Variants in CDKAL1 observed in about 807,000 individuals in gnomAD.
CDKAL1 encodes the protein threonylcarbamoyladenosine tRNA methylthiotransferase.
In CDKAL1, 32 loss-of-function variants were observed where a neutral mutation model predicts 68.2. That is an observed-to-expected ratio of 0.47 (90% confidence interval 0.35 to 0.63). CDKAL1 has a LOEUF of 0.63. CDKAL1 is among the 30% of genes least tolerant of loss of function. The pLI is 0.00. For missense variants in CDKAL1, 606 were observed against 696.7 expected (o/e 0.87, Z 1.47); for synonymous variants, 234 against 244.3 (o/e 0.96, Z 0.39).
intron 4 of CDKAL1, among the ~76,000 whole-genome samples, chr6:20,645,729 C>CAAATAAAT (rs200494660): frequency 6.7e-6 from 1 of 148,766 alleles, no homozygotes; most frequent in Non-Finnish European, 1.5e-5. Context: ...GACTCTGTCT[C>CAAATAAAT]AAATAAATAA....
chr6:20,551,015 G>A (rs565048526), intron 4 of CDKAL1, among the ~76,000 whole-genome samples: 16 of 150,904 alleles, frequency 1.1e-4, no homozygotes, highest in Non-Finnish European at 1.6e-4. Context: ...TCAGGTGCCC[G>A]CCACCATGCC....
chr6:20,869,892 G>A (rs906317702), intron 9 of CDKAL1, among the ~76,000 whole-genome samples: 28 of 152,110 alleles, frequency 1.8e-4, no homozygotes, highest in African/African-American at 6.8e-4. Flanking sequence ...ACGGGGTGCA[G>A]TGTATCAAAA....
rs376274028 is a variant in CDKAL1, at chr6:20,921,265, C to A, written c.743-34154C>A. 9.9e-5 allele frequency among the ~76,000 whole-genome samples: 15 copies of A among 152,200 alleles called. No individual in the cohort carries two copies. The East Asian group carries it at 2.3e-3, about 24-fold the overall frequency. ...CCAACATGGTGTAACTCCATCTTTACTAAAAATACAAAAATTAGCTGGGCA... is the reference window on the plus strand; with the variant it reads ...CCAACATGGTGTAACTCCATCTTTAATAAAAATACAAAAATTAGCTGGGCA... On this transcript the variant is annotated intron_variant, in intron 9 of 15. Transcript: ENST00000274695.
intron 2 of CDKAL1, among the ~76,000 whole-genome samples, chr6:20,541,982 C>T (rs1274300499): frequency 1.3e-5 from 2 of 152,212 alleles, no homozygotes; most frequent in East Asian, 1.9e-4. Context: ...ACCATGACCA[C>T]GTGGTACGTA....
intron 13 of CDKAL1, among the ~76,000 whole-genome samples, chr6:21,164,800 A>G (rs1180460052): frequency 6.6e-6 from 1 of 152,166 alleles, no homozygotes; most frequent in Non-Finnish European, 1.5e-5. Flanking sequence ...GCTTTGTGCC[A>G]GCCTTTAAGC....
At chr6:21,023,088 G>T (rs1561969377) in intron 11 of CDKAL1, among the ~76,000 whole-genome samples, 1 of 148,196 alleles carries the variant, frequency 6.7e-6, no homozygotes, top group Non-Finnish European at 1.5e-5. Context: ...CTTAATGTAA[G>T]TTTTTTTTTT....
At chr6:21,163,156 G>A (rs997894177) in intron 13 of CDKAL1, among the ~76,000 whole-genome samples, 15 of 152,140 alleles carry the variant, frequency 9.9e-5, no homozygotes, top group Middle Eastern at 3.2e-3. Context: ...GCAAATGCCC[G>A]TTTTGCCTCC....
chr6:21,127,642 T>A (rs941028384), intron 13 of CDKAL1, among the ~76,000 whole-genome samples: 7 of 151,836 alleles, frequency 4.6e-5, no homozygotes, highest in Non-Finnish European at 8.8e-5. Flanking sequence ...CCCAGCTACT[T>A]GAGAGGCTGA....
intron 4 of CDKAL1, among the ~76,000 whole-genome samples, chr6:20,556,002 C>T (rs1764028868): frequency 6.6e-6 from 1 of 151,958 alleles, no homozygotes; most frequent in African/African-American, 2.4e-5. Flanking sequence ...GGTATATATC[C>T]CACTGCAGTC....
At chr6:20,863,744 C>G (rs1759765535) in intron 9 of CDKAL1, among the ~76,000 whole-genome samples, 1 of 151,998 alleles carries the variant, frequency 6.6e-6, no homozygotes, top group Non-Finnish European at 1.5e-5. Flanking sequence ...TATACCCATA[C>G]TGTAATATGT....
chr6:21,141,015 A>G (rs1582285566), intron 13 of CDKAL1, among the ~76,000 whole-genome samples: 1 of 152,176 alleles, frequency 6.6e-6, no homozygotes, highest in East Asian at 1.9e-4. Context: ...TAGCACGGGA[A>G]AGACCAGCAC....
chr6:20,661,521 G>A (rs970030065), intron 5 of CDKAL1, among the ~76,000 whole-genome samples: 2 of 152,140 alleles, frequency 1.3e-5, no homozygotes, highest in Non-Finnish European at 2.9e-5. Flanking sequence ...ATATTATCAT[G>A]TGATGTATGC....
intron 5 of CDKAL1, among the ~76,000 whole-genome samples, chr6:20,727,501 G>T: frequency 6.6e-6 from 1 of 152,154 alleles, no homozygotes; most frequent in East Asian, 1.9e-4. Context: ...CTTGAGGGGG[G>T]TAAGTTGTGG....
intron 8 of CDKAL1, among the ~76,000 whole-genome samples, chr6:20,787,384 A>G (rs1361204696): frequency 2.0e-5 from 3 of 152,198 alleles, no homozygotes; most frequent in African/African-American, 7.2e-5. Flanking sequence ...TACGTAGGCT[A>G]TCTACAAATA....
chr6:20,862,662 T>TGTGTGCGC (rs1554132203), intron 9 of CDKAL1, among the ~76,000 whole-genome samples: 10 of 133,784 alleles, frequency 7.5e-5, no homozygotes, highest in African/African-American at 2.1e-4. Context: ...TGTGTGTGTG[T>TGTGTGCGC]GCGCGCGTGC....
At chr6:21,116,305 G>T (rs1264473837) in intron 13 of CDKAL1, among the ~76,000 whole-genome samples, 1 of 152,152 alleles carries the variant, frequency 6.6e-6, no homozygotes, top group African/African-American at 2.4e-5. Flanking sequence ...TTCTCAGCCA[G>T]TTACCCTGAG....
intron 4 of CDKAL1, among the ~76,000 whole-genome samples, chr6:20,549,585 TA>T (rs1164162765): frequency 8.0e-4 from 2 of 2,514 alleles, no homozygotes; most frequent in Admixed American, 0.015. Flanking sequence ...CATTTATATT[TA>T]TTTATTTATT....
chr6:20,818,228 A>G (rs1397216152), intron 8 of CDKAL1, among the ~76,000 whole-genome samples: 1 of 152,154 alleles, frequency 6.6e-6, no homozygotes, highest in Non-Finnish European at 1.5e-5. Flanking sequence ...AACTAGGGTT[A>G]GCAGTTTCTT....
intron 13 of CDKAL1, among the ~76,000 whole-genome samples, chr6:21,110,987 TA>T (rs556743515): frequency 6.6e-6 from 1 of 152,056 alleles, no homozygotes; most frequent in Non-Finnish European, 1.5e-5. Flanking sequence ...CATTTTTTTT[TA>T]AAATAATTTC....
Sources: allele counts gnomAD v4.1 joint callset (sites outside exome capture counted in the v4.1 genomes callset), GRCh38; gene constraint gnomAD v4.1.1; transcripts MANE v1.5; gene names NCBI Gene and HGNC (gene_info 2026-07-23, HGNC 2026-07-21).